The following PARN variants were observed in gnomAD, a reference collection of about 807,000 sequenced individuals.
PARN encodes poly(A)-specific ribonuclease PARN.
In PARN, 71 loss-of-function variants were observed where a neutral mutation model predicts 102.8. The ratio of observed to expected loss-of-function variants is 0.69; its 90% CI spans 0.57 to 0.84. PARN has a LOEUF of 0.84. PARN is among the 40% of genes least tolerant of loss of function. The probability of loss-of-function intolerance (pLI) is 0.00; values close to 1 mark genes in which losing one functional copy is unlikely to be tolerated. For synonymous variants in PARN, 261 were observed against 252.9 expected (o/e 1.03, Z -0.30); for missense variants, 782 against 760.9 (o/e 1.03, Z -0.33).
intron 21 of PARN, among the ~76,000 whole-genome samples, chr16:14,533,600 T>C (rs1254997936): frequency 6.6e-6 from 1 of 152,196 alleles, no homozygotes; most frequent in Non-Finnish European, 1.5e-5. Flanking sequence ...GTTTCAGTCA[T>C]GCCAAAGGAT....
At chr16:14,477,146 T>C (rs890025319) in intron 22 of PARN, among the ~76,000 whole-genome samples, 1 of 152,032 alleles carries the variant, frequency 6.6e-6, no homozygotes, top group Non-Finnish European at 1.5e-5. Flanking sequence ...AAACGCTAAG[T>C]ATAAGAAAAT....
intron 18 of PARN, among the ~76,000 whole-genome samples, chr16:14,563,357 G>A (rs1968195787): frequency 6.6e-6 from 1 of 152,190 alleles, no homozygotes; most frequent in African/African-American, 2.4e-5. Context: ...AGCATGTACT[G>A]ACAAGAGCTC....
At chr16:14,449,654 AAGAAAGACC>A (rs1266731416) in intron 22 of PARN, among the ~76,000 whole-genome samples, 1 of 152,206 alleles carries the variant, frequency 6.6e-6, no homozygotes, top group African/African-American at 2.4e-5. Context: ...TGAAGAGAAA[AAGAAAGACC>A]AAAAGTCCTA....
At chr16:14,616,907 G>T (rs1417578977) in intron 6 of PARN, among the ~76,000 whole-genome samples, 1 of 152,054 alleles carries the variant, frequency 6.6e-6, no homozygotes, top group Non-Finnish European at 1.5e-5. Flanking sequence ...TACACTGGAA[G>T]AAAACAAGGA....
chr16:14,581,993 C>T (rs1969559920), intron 17 of PARN, among the ~76,000 whole-genome samples, 188 bp downstream of exon 17: 1 of 152,216 alleles, frequency 6.6e-6, no homozygotes. Context: ...AGGAAGTGGG[C>T]TCTCACCAGA....
At chr16:14,533,272 G>A (rs1241464711) in intron 21 of PARN, among the ~76,000 whole-genome samples, 1 of 152,092 alleles carries the variant, frequency 6.6e-6, no homozygotes, top group Non-Finnish European at 1.5e-5. Flanking sequence ...CAGGCGTGGC[G>A]GCGCGCGCCT....
chr16:14,608,844 C>T (rs1289452296), intron 8 of PARN, among the ~76,000 whole-genome samples: 1 of 152,162 alleles, frequency 6.6e-6, no homozygotes, highest in African/African-American at 2.4e-5. Flanking sequence ...CAGTTTTCTC[C>T]GCTCCAAGTA....
At chr16:14,614,487 G>A (rs888435785) in intron 6 of PARN, among the ~76,000 whole-genome samples, 1 of 152,192 alleles carries the variant, frequency 6.6e-6, no homozygotes, top group African/African-American at 2.4e-5. Context: ...GATGCACGCT[G>A]TGCCTACAGG....
intron 21 of PARN, among the ~76,000 whole-genome samples, chr16:14,547,068 G>A (rs1966993463): frequency 6.6e-6 from 1 of 151,152 alleles, no homozygotes; most frequent in Non-Finnish European, 1.5e-5. Flanking sequence ...ACTTCAGCCT[G>A]GGCAACAGAG....
intron 22 of PARN, among the ~76,000 whole-genome samples, chr16:14,469,708 C>CAAAAA (rs113317045): frequency 7.4e-6 from 1 of 135,370 alleles, no homozygotes. Flanking sequence ...CATAAAGTGT[C>CAAAAA]AAAAAAAAAA....
intron 21 of PARN, among the ~76,000 whole-genome samples, chr16:14,548,575 C>T (rs1029000268): frequency 2.0e-5 from 3 of 152,186 alleles, no homozygotes; most frequent in Non-Finnish European, 4.4e-5. Flanking sequence ...AGTTTACAGT[C>T]TATCTGTGAA....
intron 13 of PARN, among the ~76,000 whole-genome samples, chr16:14,589,590 G>A (rs1190096145): frequency 6.6e-6 from 1 of 150,888 alleles, no homozygotes; most frequent in Non-Finnish European, 1.5e-5. Flanking sequence ...AAATGGCCGG[G>A]CATAATGGCT....
chr16:14,557,779 G>C (rs1006366499), intron 18 of PARN, among the ~76,000 whole-genome samples: 1 of 152,116 alleles, frequency 6.6e-6, no homozygotes, highest in African/African-American at 2.4e-5. Context: ...GTACTATTCT[G>C]GTTTTGTAAG....
At chr16:14,481,348 T>G (rs1963370241) in intron 22 of PARN, among the ~76,000 whole-genome samples, 3 of 152,182 alleles carry the variant, frequency 2.0e-5, no homozygotes, top group South Asian at 4.1e-4. Flanking sequence ...AAAAATATAT[T>G]AAGCAAAAAA....
At chr16:14,557,765 A>C (rs766108128) in intron 18 of PARN, among the ~76,000 whole-genome samples, 23 of 152,324 alleles carry the variant, frequency 1.5e-4, no homozygotes, top group Middle Eastern at 3.4e-3. Context: ...ATTTAGGCTC[A>C]AGTGTACTAT....
At chr16:14,610,966 T>G (rs912187737) in intron 6 of PARN, among the ~76,000 whole-genome samples, 157 bp from the exon 7 acceptor site, 7 of 152,218 alleles carry the variant, frequency 4.6e-5, no homozygotes, top group Admixed American at 2.0e-4. Context: ...TGAAATGTGT[T>G]TATCATTCAT....
rs143474318 is a variant in PARN at position 14,505,258 on chromosome 16, A to G, written c.1481-22431T>C. On this transcript the variant is annotated intron_variant, in intron 21 of 23. Coordinates refer to ENST00000437198, the MANE Select transcript of PARN (RefSeq NM_002582.4). ...TAGGACACTAAAGCCAGAAACTATA[A>G]AAGAATAAACTGACAGATATACTAT... 8.5e-3 allele frequency among the ~76,000 whole-genome samples: 1,293 copies of G among 152,360 alleles called. 21 individuals carry two copies. The highest frequency in any genetic ancestry group is 0.029 in the African/African-American group (1,213 of 41,578).
At chr16:14,517,490 A>G (rs1390139176) in intron 21 of PARN, among the ~76,000 whole-genome samples, 4 of 152,220 alleles carry the variant, frequency 2.6e-5, no homozygotes, top group Non-Finnish European at 5.9e-5. Context: ...AACCTATGGA[A>G]TTATGGGAAA....
chr16:14,458,793 C>A (rs1014394476), intron 22 of PARN, among the ~76,000 whole-genome samples: 8 of 152,118 alleles, frequency 5.3e-5, no homozygotes, highest in Non-Finnish European at 8.8e-5. Flanking sequence ...CTGGTATCAC[C>A]CCAGGCCAGT....
Sources: gnomAD v4.1 joint callset for allele counts (sites outside exome capture counted in the v4.1 genomes callset) on GRCh38, gnomAD v4.1.1 for gene constraint, MANE v1.5 for transcripts, NCBI Gene and HGNC (gene_info 2026-07-23, HGNC 2026-07-21) for gene names.